MAGI3: variants seen among roughly 807,000 people sequenced by gnomAD.
MAGI3 encodes membrane associated guanylate kinase, WW and PDZ domain containing 3, also known as membrane-associated guanylate kinase, WW and PDZ domain-containing protein 3.
Under a neutral mutation model 121.8 loss-of-function variants are expected in MAGI3, and 43 were observed. The ratio of observed to expected loss-of-function variants is 0.35; its 90% CI spans 0.28 to 0.46. The LOEUF (loss-of-function observed/expected upper bound fraction) is 0.46, where lower values mean the gene tolerates loss of function less well. Ranked by LOEUF, MAGI3 falls within the 20% of genes least tolerant of loss-of-function variation. MAGI3 has a pLI of 1.00. For synonymous variants in MAGI3, 553 were observed against 639.3 expected (o/e 0.86, Z 2.04); for missense variants, 1,547 against 1,797.3 (o/e 0.86, Z 2.52).
chr1:113,585,743 A>C (rs545487456), intron 4 of MAGI3, 147 bp downstream of exon 4: 1 of 680,802 alleles, frequency 1.5e-6, no homozygotes, highest in African/African-American at 1.8e-5. Flanking sequence ...ATGTGGAGCA[A>C]AGTGTATTTC....
chr1:113,486,933 A>G (rs1479176073), intron 1 of MAGI3, among the ~76,000 whole-genome samples: 1 of 151,738 alleles, frequency 6.6e-6, no homozygotes, highest in Non-Finnish European at 1.5e-5. Context: ...CTGGTTGCAA[A>G]CTCTTGGCCT....
At chr1:113,574,627 T>C (rs1367178432) in intron 2 of MAGI3, among the ~76,000 whole-genome samples, 2 of 152,242 alleles carry the variant, frequency 1.3e-5, no homozygotes, top group African/African-American at 4.8e-5. Flanking sequence ...CATTTTTTCC[T>C]TCATTTCAAC....
intron 1 of MAGI3, among the ~76,000 whole-genome samples, chr1:113,535,651 T>C (rs1230713775): frequency 6.6e-6 from 1 of 152,238 alleles, no homozygotes; most frequent in East Asian, 1.9e-4. Context: ...ATTGCCATAA[T>C]GCCTTTCAGA....
chr1:113,463,231 G>A (rs1463933986), intron 1 of MAGI3, among the ~76,000 whole-genome samples: 1 of 151,774 alleles, frequency 6.6e-6, no homozygotes, highest in African/African-American at 2.4e-5. Context: ...CAGAAGAGAG[G>A]TCTAGACTAG....
intron 1 of MAGI3, among the ~76,000 whole-genome samples, chr1:113,479,914 T>G (rs1051322864): frequency 6.6e-6 from 1 of 152,162 alleles, no homozygotes; most frequent in African/African-American, 2.4e-5. Flanking sequence ...TTCATTGTAT[T>G]CTTCAGTTCC....
intron 1 of MAGI3, among the ~76,000 whole-genome samples, chr1:113,532,981 C>T (rs1178014659): frequency 6.6e-6 from 1 of 152,112 alleles, no homozygotes; most frequent in Non-Finnish European, 1.5e-5. Context: ...TTCATTTTGA[C>T]CATGAAAAAT....
intron 2 of MAGI3, among the ~76,000 whole-genome samples, chr1:113,574,791 G>A (rs1267091191): frequency 6.6e-6 from 1 of 152,096 alleles, no homozygotes; most frequent in African/African-American, 2.4e-5. Flanking sequence ...TTTCCAACTT[G>A]GTCCCATTCT....
intron 5 of MAGI3, among the ~76,000 whole-genome samples, chr1:113,592,446 C>G (rs1261141238): frequency 6.6e-6 from 1 of 152,084 alleles, no homozygotes; most frequent in Non-Finnish European, 1.5e-5. Flanking sequence ...AATTTTGGAT[C>G]ATGGGAACCT....
chr1:113,649,384 G>T (rs1452071056), intron 13 of MAGI3, 56 bp downstream of exon 13: 24 of 1,225,372 alleles, frequency 2.0e-5, no homozygotes, highest in Non-Finnish European at 2.7e-5. Context: ...TTTGAGTGGT[G>T]ATTTGGTGGA....
At chr1:113,476,695 T>A (rs772422169) in intron 1 of MAGI3, among the ~76,000 whole-genome samples, 2 of 152,218 alleles carry the variant, frequency 1.3e-5, no homozygotes, top group Non-Finnish European at 2.9e-5. Flanking sequence ...GAATGTATAT[T>A]CTGTTGATTT....
chr1:113,684,083 C>G lies in MAGI3; in HGVS notation c.*69C>G. On this transcript the variant is annotated 3_prime_UTR_variant, in exon 21 of 21. Transcript: ENST00000307546. ...ACAGCAGCATTTTTCCAGAAAAAGC[C>G]TTTTTTTTTTTTTCAGATATTCTGA... 2.7e-6 allele frequency: 3 copies of G among 1,114,634 alleles called. No individual in the cohort carries two copies. The highest frequency in any genetic ancestry group is 3.6e-6 in the Non-Finnish European group (3 of 837,498). The allele number at this position is 1,114,634 out of a possible 1,614,324, so 69.0% of individuals were successfully genotyped here.
chr1:113,540,154 G>A (rs1215082869), intron 1 of MAGI3, among the ~76,000 whole-genome samples: 1 of 152,112 alleles, frequency 6.6e-6, no homozygotes. Flanking sequence ...TGTCTTTGAA[G>A]TCTACAGTAA....
intron 9 of MAGI3, among the ~76,000 whole-genome samples, chr1:113,639,283 C>T (rs796504626): frequency 2.6e-5 from 4 of 152,240 alleles, no homozygotes; most frequent in Non-Finnish European, 5.9e-5. Flanking sequence ...GAGATGAACC[C>T]GGTACCTCAG....
rs1270877500 is a variant in MAGI3 at position 113,391,789 on chromosome 1, C to T, written c.316+440C>T. 6.6e-6 allele frequency among the ~76,000 whole-genome samples: 1 copy of T among 152,186 alleles called. No individual in the cohort carries two copies. Among genetic ancestry groups the T allele is most frequent in the Non-Finnish European group, 1.5e-5 (1 of 68,032 alleles). ...TAGAGGCACTTGGTGCCAAGGTTAC[C>T]ACCTGGTGTACCTGGAAGGGCTTAG... On this transcript the variant is annotated intron_variant, in intron 1 of 20. Transcript: ENST00000307546. The surrounding 1 kb of genome is among the most constrained non-coding windows in gnomAD (Gnocchi z 4.4).
At chr1:113,438,534 T>G (rs549038305) in intron 1 of MAGI3, among the ~76,000 whole-genome samples, 17 of 152,206 alleles carry the variant, frequency 1.1e-4, no homozygotes, top group Non-Finnish European at 2.2e-4. Context: ...AGGCTTTATT[T>G]GGTTCACAGT....
intron 5 of MAGI3, among the ~76,000 whole-genome samples, chr1:113,591,039 C>T (rs998611203): frequency 2.6e-5 from 4 of 151,872 alleles, no homozygotes; most frequent in African/African-American, 7.3e-5. Flanking sequence ...TATTATTATC[C>T]GAATTAAATA....
intron 1 of MAGI3, among the ~76,000 whole-genome samples, chr1:113,513,362 C>T (rs1010927795): frequency 1.3e-5 from 2 of 152,134 alleles, no homozygotes; most frequent in African/African-American, 4.8e-5. Flanking sequence ...CATCACGTTA[C>T]CTGACTTCAA....
At chr1:113,424,550 A>G (rs1652903274) in intron 1 of MAGI3, among the ~76,000 whole-genome samples, 2 of 152,148 alleles carry the variant, frequency 1.3e-5, no homozygotes, top group Admixed American at 1.3e-4. Flanking sequence ...CTGTTATCTC[A>G]ATGGAATTAT....
At chr1:113,599,729 G>T (rs1649247660) in intron 6 of MAGI3, among the ~76,000 whole-genome samples, 1 of 151,518 alleles carries the variant, frequency 6.6e-6, no homozygotes, top group African/African-American at 2.4e-5. Flanking sequence ...TATGAGGCCA[G>T]CATCATCCTG....
Sources: gnomAD v4.1 joint callset for allele counts (sites outside exome capture counted in the v4.1 genomes callset) on GRCh38, gnomAD v4.1.1 for gene constraint, Gnocchi (gnomAD v3.1) non-coding constraint, MANE v1.5 for transcripts, NCBI Gene and HGNC (gene_info 2026-07-23, HGNC 2026-07-21) for gene names.